The following BNC2 variants were observed in gnomAD, a reference collection of about 807,000 sequenced individuals.
BNC2 encodes the protein zinc finger protein basonuclin-2.
A neutral mutation model predicts 76.3 loss-of-function variants in BNC2; 20 were observed. The ratio of observed to expected loss-of-function variants is 0.26; its 90% CI spans 0.18 to 0.38. BNC2 has a LOEUF of 0.38. Among genes scored for constraint, BNC2 ranks in the 10% least tolerant of loss-of-function variants. The pLI, the probability that BNC2 is intolerant of heterozygous loss-of-function variation, is 1.00. For synonymous variants in BNC2, 582 were observed against 514.8 expected, an observed-to-expected ratio of 1.13 and a Z score of -1.77; for missense variants, 1,382 against 1,399.8, an observed-to-expected ratio of 0.99 and a Z score of 0.20.
intron 6 of BNC2, chr9:16,434,741 A>T: frequency 2.3e-6 from 1 of 434,126 alleles, no homozygotes; most frequent in South Asian, 1.6e-5. Context: ...TCAGAGCTGC[A>T]ACTACATAGC....
chr9:16,498,120 T>C (rs1302348650), intron 5 of BNC2, among the ~76,000 whole-genome samples: 1 of 129,566 alleles, frequency 7.7e-6, no homozygotes, highest in Admixed American at 7.6e-5. Flanking sequence ...CATATGTATA[T>C]ATTCTATCAT....
chr9:16,764,423 A>T (rs1305718947), intron 1 of BNC2, among the ~76,000 whole-genome samples: 1 of 152,230 alleles, frequency 6.6e-6, no homozygotes, highest in Non-Finnish European at 1.5e-5. Flanking sequence ...AAGTGGAAAC[A>T]CAAACTCATT....
intron 1 of BNC2, among the ~76,000 whole-genome samples, chr9:16,836,308 G>A (rs959636179): frequency 2.6e-5 from 4 of 152,084 alleles, no homozygotes; most frequent in Non-Finnish European, 5.9e-5. Context: ...AGAATCAGAG[G>A]TCGTTTTTTT....
chr9:16,550,051 T>A (rs1244217763), intron 5 of BNC2, among the ~76,000 whole-genome samples: 2 of 152,104 alleles, frequency 1.3e-5, no homozygotes, highest in South Asian at 4.1e-4. Flanking sequence ...ATGCTCTCTA[T>A]AAGCAGTATT....
rs781107178 is a variant in BNC2 at position 16,685,600 on chromosome 9, A to T, written c.330+42197T>A. 48 of 1,304,182 alleles carry T rather than the reference A, an allele frequency of 3.7e-5. No individual in the cohort carries two copies. In the African/African-American group the frequency reaches 7.1e-4, roughly 19 times the overall value. 80.8% of individuals were successfully genotyped at this position (1,304,182 alleles called of 1,614,324 possible). On this transcript the variant is annotated intron_variant, in intron 3 of 6. Transcript: ENST00000380672. The stretch of plus-strand genomic sequence containing the variant: ...CAGGTTTGGGCAGAAGTCTGCCCCC[A>T]GCACTCTGCCAGTACATGCCAATGG...
intron 3 of BNC2, among the ~76,000 whole-genome samples, chr9:16,649,200 C>T (rs145890900): frequency 6.6e-6 from 1 of 152,168 alleles, no homozygotes; most frequent in African/African-American, 2.4e-5. Flanking sequence ...ACTCACGGGC[C>T]CCAGCACACC....
At chr9:16,495,574 A>C (rs1288863849) in intron 5 of BNC2, among the ~76,000 whole-genome samples, 3 of 152,248 alleles carry the variant, frequency 2.0e-5, no homozygotes, top group Admixed American at 2.0e-4. Context: ...AAGTGCCACC[A>C]AAGTGGCAAG....
chr9:16,463,294 C>CTTTTTTTTTTTTTTTTT (rs34855187), intron 5 of BNC2, among the ~76,000 whole-genome samples: 3 of 105,606 alleles, frequency 2.8e-5, no homozygotes, highest in African/African-American at 1.3e-4. Flanking sequence ...GTATTAAATT[C>CTTTTTTTTTTTTTTTTT]TTTTTTTTTT....
chr9:16,665,423 A>G (rs1822249311), intron 3 of BNC2, among the ~76,000 whole-genome samples: 1 of 142,148 alleles, frequency 7.0e-6, no homozygotes, highest in African/African-American at 2.6e-5. Flanking sequence ...AAGAAAGGAA[A>G]GAAAGGAAAG....
chr9:16,592,282 G>A (rs1323824564), intron 3 of BNC2, among the ~76,000 whole-genome samples: 2 of 151,976 alleles, frequency 1.3e-5, no homozygotes, highest in Non-Finnish European at 2.9e-5. Context: ...TTTATAAAAC[G>A]CTATCCCTCC....
intron 5 of BNC2, among the ~76,000 whole-genome samples, chr9:16,501,387 T>C (rs1822514199): frequency 6.6e-6 from 1 of 152,238 alleles, no homozygotes; most frequent in Non-Finnish European, 1.5e-5. Flanking sequence ...ATAATAATGA[T>C]ACCAATGCTT....
chr9:16,844,611 G>A (rs1818919342), intron 1 of BNC2, among the ~76,000 whole-genome samples: 2 of 147,606 alleles, frequency 1.4e-5, no homozygotes, highest in Non-Finnish European at 3.0e-5. Flanking sequence ...GATTCTTCCT[G>A]CCTCAGCCTC....
Position 16,788,552 on chromosome 9 carries a change from CA to C in BNC2, c.4-50068del, listed in dbSNP as rs397960619. 7.5e-3 allele frequency among the ~76,000 whole-genome samples: 606 copies of C among 80,432 alleles called. 5 individuals carry two copies. The highest frequency in any genetic ancestry group is 0.019 in the African/African-American group (427 of 22,320). The allele number at this position is 80,432 out of a possible 152,430, so 52.8% of individuals were successfully genotyped here. A position where few individuals can be genotyped will look rare whatever the true frequency, so the allele number is the denominator to read the frequency against. On this transcript the variant is annotated intron_variant, in intron 1 of 6. Coordinates refer to ENST00000380672, the MANE Select transcript of BNC2 (RefSeq NM_017637.6). ...TGGGCGACAGAGCAACACTCCTTCT[CA>C]AAAAAAAAAAAAAAAAAGAGGTCAT...
intron 5 of BNC2, among the ~76,000 whole-genome samples, chr9:16,488,049 G>C (rs1033954468): frequency 8.4e-6 from 1 of 119,454 alleles, no homozygotes; most frequent in African/African-American, 2.6e-5. Flanking sequence ...GGAGCTCTTT[G>C]CTTTATCTTT....
intron 1 of BNC2, among the ~76,000 whole-genome samples, chr9:16,763,714 A>G (rs1252862433): frequency 6.6e-6 from 1 of 152,230 alleles, no homozygotes; most frequent in African/African-American, 2.4e-5. Flanking sequence ...GAGTGGCAGA[A>G]AACTACATAG....
At chr9:16,618,047 G>C (rs987946993) in intron 3 of BNC2, among the ~76,000 whole-genome samples, 6 of 152,166 alleles carry the variant, frequency 3.9e-5, no homozygotes, top group African/African-American at 1.4e-4. Flanking sequence ...GTGACTAAAA[G>C]CAACTTTCGG....
At chr9:16,590,382 A>G (rs1016558075) in intron 3 of BNC2, among the ~76,000 whole-genome samples, 1 of 151,886 alleles carries the variant, frequency 6.6e-6, no homozygotes, top group Non-Finnish European at 1.5e-5. Context: ...TAGTAGAGAC[A>G]GGGTTTCACC....
intron 1 of BNC2, among the ~76,000 whole-genome samples, chr9:16,781,823 A>G (rs1470919745): frequency 2.0e-5 from 3 of 152,214 alleles, no homozygotes. Flanking sequence ...CAATGATATG[A>G]ACACAATGTG....
intron 3 of BNC2, among the ~76,000 whole-genome samples, chr9:16,611,806 G>C (rs1820554133): frequency 1.4e-5 from 2 of 138,814 alleles, no homozygotes; most frequent in Admixed American, 1.6e-4. Flanking sequence ...TACCTGCAGA[G>C]TAAAGGAACA....
Sources: gnomAD v4.1 joint callset for allele counts (sites outside exome capture counted in the v4.1 genomes callset) on GRCh38, gnomAD v4.1.1 for gene constraint, MANE v1.5 for transcripts, NCBI Gene and HGNC (gene_info 2026-07-23, HGNC 2026-07-21) for gene names.